TNNI3: variants seen among roughly 807,000 people sequenced by gnomAD.
TNNI3 encodes troponin I, cardiac muscle.
In TNNI3, 23 loss-of-function variants were observed where a neutral mutation model predicts 31.5. The ratio of observed to expected loss-of-function variants is 0.73; its 90% confidence interval spans 0.52 to 1.03. TNNI3 has a LOEUF of 1.03. Ranked by LOEUF, TNNI3 falls within the 50% of genes least tolerant of loss-of-function variation. The pLI, the probability that TNNI3 is intolerant of heterozygous loss-of-function variation, is 0.00. For synonymous variants in TNNI3, 120 were observed against 111.7 expected (o/e 1.07, Z -0.47); for missense variants, 236 against 282.9 (o/e 0.83, Z 1.19).
Position 55,156,527 on chromosome 19 carries a change from C to G in TNNI3, c.150+76G>C. 2 of 1,540,212 alleles carry G rather than the reference C, an allele frequency of 1.3e-6. No homozygotes were observed. Among genetic ancestry groups the G allele is most frequent in the African/African-American group, 1.4e-5 (1 of 72,772 alleles). On this transcript the variant is annotated intron_variant, in intron 4 of 7. Transcript: ENST00000344887. The surrounding 1 kb of genome is among the most constrained non-coding windows in gnomAD (Gnocchi z 4.6). ...ACCCCGCCCACTTCCGCCCACCTAC[C>G]CCGAAAGCCCCACCCATTCTCAAGC... is the stretch of plus-strand genomic sequence containing the variant.
Position 55,151,864 on chromosome 19 carries a change from C to T in TNNI3, c.603G>A (p.Met201Ile). 3 of 1,614,174 alleles carry T rather than the reference C, an allele frequency of 1.9e-6. No individual in the cohort carries two copies. Among genetic ancestry groups the T allele is most frequent in the Non-Finnish European group, 2.5e-6 (3 of 1,179,998 alleles). ...WRKNIDALSG[M>I]EGRKKKFES ...TCTCAAACTTTTTCTTGCGGCCCTCCATTCCACTCAGTGCATCGATGTTCT... is the reference window on the plus strand; with the variant it reads ...TCTCAAACTTTTTCTTGCGGCCCTCTATTCCACTCAGTGCATCGATGTTCT... Residue 201 changes from methionine to isoleucine, a missense_variant, in exon 8 of 8, where the codon ATG becomes ATA. Met to Ile is a conservative substitution (Grantham distance 10). Transcript: ENST00000344887.
intron 6 of TNNI3, 55 bp downstream of exon 6, chr19:55,154,686 A>G: frequency 6.7e-7 from 1 of 1,495,522 alleles, no homozygotes; most frequent in Non-Finnish European, 9.3e-7. Flanking sequence ...GCAGAGACCA[A>G]GTCCCAGCCA....
In TNNI3 at chr19:55,152,049, C is replaced by T; in HGVS notation, c.550-132G>A. On this transcript the variant is annotated intron_variant, in intron 7 of 7. Coordinates refer to ENST00000344887, the MANE Select transcript of TNNI3 (RefSeq NM_000363.5). This position sits in a 1 kb window ranked among gnomAD's most constrained non-coding sequence, Gnocchi z 4.0. ...TAAGTATCTAGTTCTGGAGCACTTC[C>T]TGTCTTTTCAAGATAATCCCTGCCA... The T allele has an allele frequency of 2.5e-6, 2 of 807,288 alleles. No individual in the cohort carries two copies. The highest frequency in any genetic ancestry group is 2.1e-6 in the Non-Finnish European group (1 of 478,766). 50.0% of individuals were successfully genotyped at this position (807,288 alleles called of 1,614,324 possible).
At chr19:55,154,239 T>C (rs1450262224) in intron 6 of TNNI3, 33 bp from the exon 7 acceptor site, 1 of 1,603,700 alleles carries the variant, frequency 6.2e-7, no homozygotes, top group Non-Finnish European at 8.5e-7. Flanking sequence ...GTACTTCTCC[T>C]TCCATTTCCC....
In TNNI3 at chr19:55,151,819, A is replaced by C. The variant is rs2085696157; in HGVS notation, c.*15T>G. 6.2e-7 allele frequency: 1 copy of C among 1,612,788 alleles called. No homozygotes were observed. The highest frequency in any genetic ancestry group is 1.1e-5 in the South Asian group (1 of 91,066). On this transcript the variant is annotated 3_prime_UTR_variant, in exon 8 of 8. Transcript: ENST00000344887. ...TCAGGGCCCTCCTCAGGGCAGGGGC[A>C]GTAGGCAGGAAGGCTCAGCTCTCAA...
In TNNI3 at chr19:55,157,176, AC is replaced by A; in HGVS notation, c.25-44del. 1 of 1,588,820 alleles carries A rather than the reference AC, an allele frequency of 6.3e-7. No individual in the cohort carries two copies. The highest frequency in any genetic ancestry group is 8.6e-7 in the Non-Finnish European group (1 of 1,168,884). On this transcript the variant is annotated intron_variant, in intron 2 of 7. Coordinates refer to ENST00000344887, the MANE Select transcript of TNNI3 (RefSeq NM_000363.5). The surrounding 1 kb of genome is among the most constrained non-coding windows in gnomAD (Gnocchi z 6.3). ...GGGACCCCATCACCACCAAGACCCCACCCAGCCCTTACCGTACCGCACCCTC... is the reference window on the plus strand; with the variant it reads ...GGGACCCCATCACCACCAAGACCCCACCAGCCCTTACCGTACCGCACCCTC...
rs397516359 is a variant in TNNI3, at chr19:55,157,585, G to A, written c.5C>T (p.Ala2Val). 31 of 1,613,878 alleles carry A rather than the reference G, an allele frequency of 1.9e-5. No individual in the cohort carries two copies. The South Asian group carries it at 2.4e-4, about 13-fold the overall frequency. ...GCCTTGGGGCATCACTCACCCATCCGCCATGCTGAGACTCAGGCCGGGAAT... is the reference window on the plus strand; with the variant it reads ...GCCTTGGGGCATCACTCACCCATCCACCATGCTGAGACTCAGGCCGGGAAT... M[A>V]DGSSDAAREP... Residue 2 changes from alanine (A) to valine (V), a missense_variant, in exon 1 of 8, where the codon GCG becomes GTG. This residue lies in a region of TNNI3 where 172 missense variants were observed against 171.8 expected (regional missense o/e 1.00). Transcript: ENST00000344887. The surrounding 1 kb of genome is among the most constrained non-coding windows in gnomAD (Gnocchi z 6.3).
rs769896482 is a variant in TNNI3 at position 55,157,312 on chromosome 19, G to A, written c.12-4C>T. The A allele has an allele frequency of 3.7e-6, 6 of 1,612,530 alleles. No individual in the cohort carries two copies. The highest frequency in any genetic ancestry group is 1.7e-4 in the Middle Eastern group (1 of 5,972). On this transcript the variant is annotated splice_region_variant and splice_polypyrimidine_tract_variant and intron_variant, in intron 1 of 7. Coordinates refer to ENST00000344887, the MANE Select transcript of TNNI3 (RefSeq NM_000363.5). The surrounding 1 kb of genome is among the most constrained non-coding windows in gnomAD (Gnocchi z 6.3). Reference sequence around the variant, plus strand: ...TGCTCTCACCGCATCGCTGCTCCTGGAAGGAGAGAAACCAAGGAGGGGGGT... The same window carrying A: ...TGCTCTCACCGCATCGCTGCTCCTGAAAGGAGAGAAACCAAGGAGGGGGGT...
Position 55,156,813 on chromosome 19 carries a change from TC to T in TNNI3, c.109-170del. On this transcript the variant is annotated intron_variant, in intron 3 of 7. Transcript: ENST00000344887. The surrounding 1 kb of genome is among the most constrained non-coding windows in gnomAD (Gnocchi z 4.6). ...CACGCCCCTCATTCCCATCCACCAA[TC>T]TGGGTCTCTTCCTTTGGATAGGCAC... 1 of 871,942 alleles carries T rather than the reference TC, an allele frequency of 1.1e-6. No homozygotes were observed. Among genetic ancestry groups the T allele is most frequent in the Non-Finnish European group, 1.8e-6 (1 of 540,582 alleles). The allele number at this position is 871,942 out of a possible 1,614,324, so 54.0% of individuals were successfully genotyped here.
Position 55,156,140 on chromosome 19 carries a change from G to A in TNNI3, c.282+61C>T. ...ACGCCTGGGTCCCGAGCAGAAGAGG[G>A]GATAGAGGCTGTACTGCTGAATTCC... On this transcript the variant is annotated intron_variant, in intron 5 of 7. Coordinates refer to ENST00000344887, the MANE Select transcript of TNNI3 (RefSeq NM_000363.5). The surrounding 1 kb of genome is among the most constrained non-coding windows in gnomAD (Gnocchi z 4.6). 1 of 1,612,014 alleles carries A rather than the reference G, an allele frequency of 6.2e-7. No individual in the cohort carries two copies. The highest frequency in any genetic ancestry group is 1.1e-5 in the South Asian group (1 of 90,996).
intron 6 of TNNI3, 129 bp downstream of exon 6, chr19:55,154,612 G>A: frequency 1.2e-6 from 1 of 821,108 alleles, no homozygotes; most frequent in South Asian, 1.4e-5. Context: ...CCCCAGCCCT[G>A]CCAGGCTCAC....
At position 55,157,263 on chromosome 19, in the gene TNNI3, G is replaced by T; in HGVS notation, c.24+33C>A. The T allele has an allele frequency of 6.2e-7, 1 of 1,611,140 alleles. No homozygotes were observed. Among genetic ancestry groups the T allele is most frequent in the Non-Finnish European group, 8.5e-7 (1 of 1,179,236 alleles). On this transcript the variant is annotated intron_variant, in intron 2 of 7. Coordinates refer to ENST00000344887, the MANE Select transcript of TNNI3 (RefSeq NM_000363.5). This position sits in a 1 kb window ranked among gnomAD's most constrained non-coding sequence, Gnocchi z 6.3. ...CTGCAGCGCCCACCCTGGCCCTGGGGGTCCCAGCCACGCCTTAGCCCGCTG... is the reference window on the plus strand; with the variant it reads ...CTGCAGCGCCCACCCTGGCCCTGGGTGTCCCAGCCACGCCTTAGCCCGCTG...
chr19:55,153,689 T>C (rs2085707322), intron 7 of TNNI3, among the ~76,000 whole-genome samples: 1 of 3,740 alleles, frequency 2.7e-4, no homozygotes, highest in East Asian at 0.012. Flanking sequence ...GCAACCGAGA[T>C]GGTGTCATTG....
chr19:55,156,638 A>G lies in TNNI3; in HGVS notation c.115T>C (p.Ser39Pro), dbSNP rs1568859416. 3.2e-6 allele frequency: 5 copies of G among 1,564,720 alleles called. No individual in the cohort carries two copies. The highest frequency in any genetic ancestry group is 3.5e-6 in the Non-Finnish European group (4 of 1,153,062). ...YATEPHAKKK[S>P]KISASRKLQL... is the part of the protein sequence containing the mutation. Reference sequence around the variant, plus strand: ...AATTTTCTCGAGGCGGAGATCTTAGATTTTTTCTGCCAGGGTGAGATGGAG... The same window carrying G: ...AATTTTCTCGAGGCGGAGATCTTAGGTTTTTTCTGCCAGGGTGAGATGGAG... Residue 39 changes from serine to proline, a missense_variant, in exon 4 of 8, where the codon TCT (serine) becomes CCT (proline). By Grantham distance (74) the Ser-to-Pro change is moderately conservative (BLOSUM62 -1). Transcript: ENST00000344887. The surrounding 1 kb of genome is among the most constrained non-coding windows in gnomAD (Gnocchi z 4.6).
Position 55,154,766 on chromosome 19 carries a change from G to C in TNNI3, c.347C>G (p.Ala116Gly), listed in dbSNP as rs777177571. 13 of 1,614,072 alleles carry C rather than the reference G, an allele frequency of 8.1e-6. No homozygotes were observed. The highest frequency in any genetic ancestry group is 1.6e-4 in the Middle Eastern group (1 of 6,084). The stretch of plus-strand genomic sequence containing the variant: ...CTCCGTGATGTTCTTGGTGACTTTT[G>C]CCTCTATGTCGTATCTCTCTTCATC... ...KVDEERYDIE[A>G]KVTKNITEIA... Residue 116 changes from alanine to glycine, a missense_variant, in exon 6 of 8, where the codon GCA becomes GGA. Coordinates refer to ENST00000344887, the MANE Select transcript of TNNI3 (RefSeq NM_000363.5).
Position 55,157,531 on chromosome 19 carries a change from A to G in TNNI3, c.11+48T>C. The stretch of plus-strand genomic sequence containing the variant: ...CCTCTCAGCTGCGACCCCTCTTGGG[A>G]ACCCGGGAGGTCGCCCCCAACTCCC... On this transcript the variant is annotated intron_variant, in intron 1 of 7. Coordinates refer to ENST00000344887, the MANE Select transcript of TNNI3 (RefSeq NM_000363.5). The surrounding 1 kb of genome is among the most constrained non-coding windows in gnomAD (Gnocchi z 6.3). 6.2e-7 allele frequency: 1 copy of G among 1,611,858 alleles called. No homozygotes were observed. The highest frequency in any genetic ancestry group is 8.5e-7 in the Non-Finnish European group (1 of 1,178,436).
chr19:55,157,201 T>G lies in TNNI3; in HGVS notation c.25-68A>C. 6.3e-7 allele frequency: 1 copy of G among 1,592,354 alleles called. No homozygotes were observed. The highest frequency in any genetic ancestry group is 1.1e-5 in the South Asian group (1 of 88,072). On this transcript the variant is annotated intron_variant, in intron 2 of 7. Transcript: ENST00000344887. This position sits in a 1 kb window ranked among gnomAD's most constrained non-coding sequence, Gnocchi z 6.3. ...ACCCAGCCCTTACCGTACCGCACCC[T>G]CTGCTAGGGCTGCAGCCTCCCGCCC...
rs1315800406 is a variant in TNNI3, at chr19:55,156,821, T to C, written c.109-177A>G. Reference sequence around the variant, plus strand: ...TCATTCCCATCCACCAATCTGGGTCTCTTCCTTTGGATAGGCACTTCCCAT... The same window carrying C: ...TCATTCCCATCCACCAATCTGGGTCCCTTCCTTTGGATAGGCACTTCCCAT... On this transcript the variant is annotated intron_variant, in intron 3 of 7. Coordinates refer to ENST00000344887, the MANE Select transcript of TNNI3 (RefSeq NM_000363.5). The surrounding 1 kb of genome is among the most constrained non-coding windows in gnomAD (Gnocchi z 4.6). The C allele has an allele frequency of 1.2e-6, 1 of 866,112 alleles. No homozygotes were observed. The highest frequency in any genetic ancestry group is 1.9e-6 in the Non-Finnish European group (1 of 537,482). The allele number at this position is 866,112 out of a possible 1,614,324, so 53.7% of individuals were successfully genotyped here.
chr19:55,157,086 G>T lies in TNNI3; in HGVS notation c.72C>A (p.Ser24=). ...GCTCCGTGGCATAAGCGCGGTAGTT[G>T]GAGGAGCGGCGTCTGATTGGGGCTG... ...PAPAPIRRRS[S]NYRAYATEPH... is the part of the protein sequence containing the mutation. Residue 24 remains serine, a synonymous_variant, in exon 3 of 8, where the codon TCC becomes TCA. Transcript: ENST00000344887. This position sits in a 1 kb window ranked among gnomAD's most constrained non-coding sequence, Gnocchi z 6.3. 6.2e-7 allele frequency: 1 copy of T among 1,602,380 alleles called. No individual in the cohort carries two copies. Among genetic ancestry groups the T allele is most frequent in the Non-Finnish European group, 8.5e-7 (1 of 1,176,378 alleles).
Sources: gnomAD v4.1 joint callset for allele counts (sites outside exome capture counted in the v4.1 genomes callset) on GRCh38, gnomAD v4.1.1 for gene constraint, gnomAD v4.1.1 regional missense constraint, Gnocchi (gnomAD v3.1) non-coding constraint, MANE v1.5 for transcripts, NCBI Gene and HGNC (gene_info 2026-07-23, HGNC 2026-07-21) for gene names.